The following INSIG2 variants were observed in gnomAD, a reference collection of about 807,000 sequenced individuals.
INSIG2 encodes the protein insulin induced gene 2, also known as insulin-induced gene 2 protein.
INSIG2 carries 10 observed loss-of-function variants against 27.2 expected under a neutral mutation model. That is an observed-to-expected ratio of 0.37 (90% CI 0.23 to 0.62). INSIG2 has a LOEUF of 0.62. Ranked by LOEUF, INSIG2 falls within the 20% of genes least tolerant of loss-of-function variation. The pLI is 0.65. For missense variants in INSIG2, 178 were observed against 270.2 expected, an observed-to-expected ratio of 0.66 and a Z score of 2.39; for synonymous variants, 97 against 95.8, an observed-to-expected ratio of 1.01 and a Z score of -0.07.
At chr2:118,108,129 A>T in intron 5 of INSIG2, 152 bp from the exon 6 acceptor site, 1 of 537,958 alleles carries the variant, frequency 1.9e-6, no homozygotes, top group South Asian at 2.5e-5. Context: ...TTGTCATTTA[A>T]TCATAGTAAT....
intron 5 of INSIG2, 53 bp downstream of exon 5, chr2:118,107,242 CT>C: frequency 7.9e-7 from 1 of 1,271,206 alleles, no homozygotes; most frequent in Non-Finnish European, 1.1e-6. Context: ...GACAAGTTTT[CT>C]CTAAAAGGCA....
chr2:118,096,415 G>A lies in INSIG2; in HGVS notation c.-138-4G>A. On this transcript the variant is annotated splice_polypyrimidine_tract_variant and splice_region_variant and intron_variant, in intron 1 of 5. Coordinates refer to ENST00000245787, the MANE Select transcript of INSIG2 (RefSeq NM_016133.4). ...ATTAATTTCTTTTTTCTTATCTCTTGCAGGATTTCTGGTAGGTCCTACTTT... is the reference window on the plus strand; with the variant it reads ...ATTAATTTCTTTTTTCTTATCTCTTACAGGATTTCTGGTAGGTCCTACTTT... 1.4e-6 allele frequency: 1 copy of A among 716,604 alleles called. No homozygotes were observed. Among genetic ancestry groups the A allele is most frequent in the Non-Finnish European group, 2.2e-6 (1 of 450,106 alleles). The allele number at this position is 716,604 out of a possible 1,614,324, so 44.4% of individuals were successfully genotyped here.
intron 2 of INSIG2, among the ~76,000 whole-genome samples, chr2:118,100,246 G>A (rs570863587): frequency 6.6e-6 from 1 of 152,066 alleles, no homozygotes; most frequent in Admixed American, 6.5e-5. Context: ...CCAGCACCTT[G>A]CCTTCCCCTA....
chr2:118,107,536 C>T (rs964646662), intron 5 of INSIG2, among the ~76,000 whole-genome samples: 4 of 152,148 alleles, frequency 2.6e-5, no homozygotes, highest in African/African-American at 7.2e-5. Context: ...TGTGTTGCTA[C>T]AATAGGTATA....
intron 1 of INSIG2, among the ~76,000 whole-genome samples, chr2:118,089,674 G>A (rs1245122991): frequency 6.6e-6 from 1 of 152,142 alleles, no homozygotes; most frequent in Non-Finnish European, 1.5e-5. Flanking sequence ...GTGTTATGTC[G>A]TAGTTCTCAG....
chr2:118,105,807 C>T (rs1472439638), intron 3 of INSIG2, among the ~76,000 whole-genome samples: 2 of 152,126 alleles, frequency 1.3e-5, no homozygotes, highest in African/African-American at 4.8e-5. Flanking sequence ...GATACGTGTT[C>T]TCCCAAACCT....
intron 1 of INSIG2, among the ~76,000 whole-genome samples, chr2:118,088,832 G>A (rs1475387307): frequency 6.6e-6 from 1 of 152,156 alleles, no homozygotes; most frequent in Non-Finnish European, 1.5e-5. Flanking sequence ...GAAGGCTGGA[G>A]GACGGCGAGA....
rs764160174 is a variant in INSIG2 at position 118,103,315 on chromosome 2, C to T, written c.363C>T (p.Ala121=). 10 of 1,612,050 alleles carry T rather than the reference C, an allele frequency of 6.2e-6. No homozygotes were observed. Among genetic ancestry groups the T allele is most frequent in the Non-Finnish European group, 8.5e-6 (10 of 1,178,826 alleles). ...CAGTCTTTGTTGGTATAAATCATGC[C>T]AGTGCTGTATCCTTTACTCTGTAAT... ...CVAVFVGINH[A]SAKVDFDNNI... is the part of the protein sequence containing the mutation. Residue 121 remains alanine (A), a synonymous_variant, in exon 3 of 6, where the codon GCC becomes GCT. Transcript: ENST00000245787.
chr2:118,095,267 C>A lies in INSIG2; in HGVS notation c.-138-1152C>A, dbSNP rs1343625777. Among the ~76,000 whole-genome samples, 6 of 152,026 alleles carry A rather than the reference C, an allele frequency of 3.9e-5. 1 individual carries two copies. Among genetic ancestry groups the A allele is most frequent in the Admixed American group, 3.3e-4 (5 of 15,274 alleles). ...GTAAATTACCTGTGTAGTATTTTTC[C>A]CATTTAAAAACTGTTAGTATTCATA... On this transcript the variant is annotated intron_variant, in intron 1 of 5. Coordinates refer to ENST00000245787, the MANE Select transcript of INSIG2 (RefSeq NM_016133.4).
intron 2 of INSIG2, among the ~76,000 whole-genome samples, chr2:118,098,802 G>A (rs1368815921): frequency 6.6e-6 from 1 of 152,172 alleles, no homozygotes; most frequent in African/African-American, 2.4e-5. Flanking sequence ...CCAGCCACTA[G>A]GTTTGTCACA....
At chr2:118,103,116 G>A in intron 2 of INSIG2, 81 bp from the exon 3 acceptor site, 1 of 1,086,620 alleles carries the variant, frequency 9.2e-7, no homozygotes. Flanking sequence ...AATGCTTGTG[G>A]TGGTTGTAGT....
In INSIG2 at chr2:118,110,743, CTTTTA is replaced by C. The variant is rs1385142526; in HGVS notation, c.*2424_*2428del. The C allele has an allele frequency of 1.3e-5, 2 of 152,078 alleles. No individual in the cohort carries two copies. The highest frequency in any genetic ancestry group is 2.9e-5 in the Non-Finnish European group (2 of 67,966). 9.4% of individuals were successfully genotyped at this position (152,078 alleles called of 1,614,324 possible). A position where few individuals can be genotyped will look rare whatever the true frequency, so the allele number is the denominator to read the frequency against. ...AACATTGCTAGATTGGCAGTGCTTTCTTTTATTATTTCAAGTTATGGAAATTTGCA... is the reference window on the plus strand; with the variant it reads ...AACATTGCTAGATTGGCAGTGCTTTCTTATTTCAAGTTATGGAAATTTGCA... On this transcript the variant is annotated 3_prime_UTR_variant, in exon 6 of 6. Transcript: ENST00000245787.
At position 118,092,207 on chromosome 2, in the gene INSIG2, C is replaced by G. The variant is rs540354868; in HGVS notation, c.-139+3666C>G. Among the ~76,000 whole-genome samples the G allele has an allele frequency of 3.3e-5, 5 of 152,252 alleles. No homozygotes were observed. The East Asian group carries it at 9.7e-4, about 29-fold the overall frequency. On this transcript the variant is annotated intron_variant, in intron 1 of 5. Coordinates refer to ENST00000245787, the MANE Select transcript of INSIG2 (RefSeq NM_016133.4). Reference sequence around the variant, plus strand: ...TCAATGTGGGTTACTCAAAGTATGCCCATCTTCTAGCAGCTGTTAGCAGCA... The same window carrying G: ...TCAATGTGGGTTACTCAAAGTATGCGCATCTTCTAGCAGCTGTTAGCAGCA...
At chr2:118,106,997 G>C in intron 4 of INSIG2, 93 bp from the exon 5 acceptor site, 1 of 1,503,548 alleles carries the variant, frequency 6.7e-7, no homozygotes, top group Non-Finnish European at 9.2e-7. Flanking sequence ...AGGTTAGCCA[G>C]TTTAATCTAC....
rs776572259 is a variant in INSIG2, at chr2:118,106,869, G to A, written c.502G>A (p.Val168Ile). 9 of 1,613,948 alleles carry A rather than the reference G, an allele frequency of 5.6e-6. No homozygotes were observed. The highest frequency in any genetic ancestry group is 1.7e-5 in the Admixed American group (1 of 60,004). Residue 168 changes from valine to isoleucine, a missense_variant, in exon 4 of 6, where the codon GTC (valine) becomes ATC (isoleucine). Physicochemically the swap from Val to Ile is conservative, Grantham distance 29. Transcript: ENST00000245787. ...AGGAATTGCCTTCTTGGCAACTGTGGTCACTCAACTGCTAGTATATAATGG... is the reference window on the plus strand; with the variant it reads ...AGGAATTGCCTTCTTGGCAACTGTGATCACTCAACTGCTAGTATATAATGG... ...GVGIAFLATV[V>I]TQLLVYNGVY... is the part of the protein sequence containing the mutation.
chr2:118,100,313 GATTGT>G (rs960156011), intron 2 of INSIG2, among the ~76,000 whole-genome samples: 2 of 150,768 alleles, frequency 1.3e-5, no homozygotes, highest in Non-Finnish European at 3.0e-5. Flanking sequence ...CTTAATGCAG[GATTGT>G]ATTTAATTGT....
intron 3 of INSIG2, among the ~76,000 whole-genome samples, chr2:118,103,765 A>C (rs1270942177): frequency 6.6e-6 from 1 of 151,632 alleles, no homozygotes; most frequent in Non-Finnish European, 1.5e-5. Flanking sequence ...AGGTAGATGC[A>C]TTGGTTTTAA....
Position 118,103,466 on chromosome 2 carries a change from C to T in INSIG2, c.369+145C>T, listed in dbSNP as rs1678600469. 3 of 639,202 alleles carry T rather than the reference C, an allele frequency of 4.7e-6. No individual in the cohort carries two copies. In the Admixed American group the frequency reaches 8.6e-5, roughly 18 times the overall value. The allele number at this position is 639,202 out of a possible 1,614,324, so 39.6% of individuals were successfully genotyped here. ...AAGAATGTCAACCATATTGTTGAAA[C>T]ATCGGTGTAGCAGCTGTGCAATTAT... On this transcript the variant is annotated intron_variant, in intron 3 of 5. Transcript: ENST00000245787.
chr2:118,100,445 C>T (rs911393306), intron 2 of INSIG2, among the ~76,000 whole-genome samples: 10 of 125,182 alleles, frequency 8.0e-5, no homozygotes, highest in Non-Finnish European at 1.1e-4. Context: ...GTGGCGCCAT[C>T]TCGGCTTACT....
Sources: gnomAD v4.1 joint callset for allele counts (sites outside exome capture counted in the v4.1 genomes callset) on GRCh38, gnomAD v4.1.1 for gene constraint, MANE v1.5 for transcripts, NCBI Gene and HGNC (gene_info 2026-07-23, HGNC 2026-07-21) for gene names.